Variants in SNX6 observed in about 807,000 individuals in gnomAD.
SNX6 encodes sorting nexin 6, also known as sorting nexin-6.
In SNX6, 34 loss-of-function variants were observed where a neutral mutation model predicts 63.0. That is an observed-to-expected ratio of 0.54 (90% confidence interval 0.41 to 0.72). The LOEUF (loss-of-function observed/expected upper bound fraction) is 0.72. Among genes scored for constraint, SNX6 ranks in the 30% least tolerant of loss-of-function variants. The pLI, the probability that SNX6 is intolerant of heterozygous loss-of-function variation, is 0.00. For missense variants in SNX6, 398 were observed against 471.4 expected, an observed-to-expected ratio of 0.84 and a Z score of 1.44; for synonymous variants, 170 against 164.2, an observed-to-expected ratio of 1.04 and a Z score of -0.27.
intron 5 of SNX6, among the ~76,000 whole-genome samples, chr14:34,604,568 A>G (rs961796426): frequency 2.0e-5 from 3 of 152,310 alleles, no homozygotes; most frequent in Non-Finnish European, 4.4e-5. Context: ...GACAGAGGTG[A>G]TAACTAAGGA....
At chr14:34,566,859 C>CATCAAACTG (rs1881204527) in intron 13 of SNX6, among the ~76,000 whole-genome samples, 1 of 149,282 alleles carries the variant, frequency 6.7e-6, no homozygotes, top group Non-Finnish European at 1.5e-5. Flanking sequence ...TAACTGAGCC[C>CATCAAACTG]AGGAGTTTGA....
intron 2 of SNX6, among the ~76,000 whole-genome samples, chr14:34,614,411 T>C (rs1410334183): frequency 6.6e-6 from 1 of 150,896 alleles, no homozygotes; most frequent in Non-Finnish European, 1.5e-5. Context: ...CACTCCAGCC[T>C]GGGTGACAAA....
intron 5 of SNX6, among the ~76,000 whole-genome samples, chr14:34,604,449 A>G (rs1349725199): frequency 6.6e-6 from 1 of 152,204 alleles, no homozygotes; most frequent in African/African-American, 2.4e-5. Flanking sequence ...TCAAGAGTTT[A>G]GCATCCTGAA....
At chr14:34,624,352 C>T (rs1409598276) in intron 2 of SNX6, among the ~76,000 whole-genome samples, 6 of 152,170 alleles carry the variant, frequency 3.9e-5, no homozygotes, top group African/African-American at 7.2e-5. Context: ...CTGCCCATCT[C>T]GGCCTCGCAA....
intron 13 of SNX6, among the ~76,000 whole-genome samples, chr14:34,565,563 C>T (rs1234734648): frequency 6.6e-6 from 1 of 152,198 alleles, no homozygotes; most frequent in African/African-American, 2.4e-5. Flanking sequence ...GTCGCCCAAG[C>T]TGGAGTGCAG....
At chr14:34,586,092 G>A (rs1006080242) in intron 9 of SNX6, 138 bp downstream of exon 9, 10 of 397,994 alleles carry the variant, frequency 2.5e-5, no homozygotes, top group South Asian at 5.8e-5. Context: ...TAGTAGAGAC[G>A]GGGTTTCACC....
At chr14:34,585,759 C>A (rs1481673626) in intron 9 of SNX6, among the ~76,000 whole-genome samples, 1 of 151,804 alleles carries the variant, frequency 6.6e-6, no homozygotes, top group Non-Finnish European at 1.5e-5. Context: ...ACCACCGACA[C>A]CTGGGTAATT....
rs1033901098 is a variant in SNX6 at position 34,629,759 on chromosome 14, T to G, written c.54+148A>C. ...CTAGGGAGGAAGGGCTGCGGGAGGG[T>G]GGGGCGCGGTGCAGCGAGGAAACCG... On this transcript the variant is annotated intron_variant, in intron 2 of 13. Coordinates refer to ENST00000362031, the MANE Select transcript of SNX6 (RefSeq NM_152233.4). 110 of 1,268,104 alleles carry G rather than the reference T, an allele frequency of 8.7e-5. No homozygotes were observed. In the African/African-American group the frequency reaches 1.6e-3, roughly 18 times the overall value. 78.6% of individuals were successfully genotyped at this position (1,268,104 alleles called of 1,614,324 possible).
intron 8 of SNX6, among the ~76,000 whole-genome samples, chr14:34,588,917 T>G (rs1323789864): frequency 6.6e-6 from 1 of 152,014 alleles, no homozygotes; most frequent in Non-Finnish European, 1.5e-5. Context: ...GTCGATCACA[T>G]GAGGTCAAGA....
chr14:34,579,811 G>C (rs921474696), intron 10 of SNX6, among the ~76,000 whole-genome samples: 12 of 146,516 alleles, frequency 8.2e-5, no homozygotes, highest in African/African-American at 3.0e-4. Flanking sequence ...AACATAGCAA[G>C]ACCCTGTCTC....
At chr14:34,576,452 ATTT>A (rs761952812) in intron 10 of SNX6, among the ~76,000 whole-genome samples, 34 of 63,158 alleles carry the variant, frequency 5.4e-4, no homozygotes, top group African/African-American at 8.5e-4. Flanking sequence ...ATATATATAT[ATTT>A]TTTTTTTTTT....
intron 11 of SNX6, among the ~76,000 whole-genome samples, chr14:34,570,000 C>G (rs761994361): frequency 2.0e-5 from 3 of 152,044 alleles, no homozygotes; most frequent in Non-Finnish European, 2.9e-5. Flanking sequence ...CCTACCAACA[C>G]CATATGAGAG....
At chr14:34,629,865 G>A (rs1275301099) in intron 2 of SNX6, 42 bp downstream of exon 2, 2 of 1,550,480 alleles carry the variant, frequency 1.3e-6, no homozygotes, top group South Asian at 1.2e-5. Context: ...GATGGGGAAG[G>A]AGGGTCCAGG....
intron 11 of SNX6, chr14:34,568,633 TG>T: frequency 3.0e-6 from 2 of 674,964 alleles, no homozygotes; most frequent in South Asian, 3.1e-5. Context: ...GCACTCAGCC[TG>T]TTTTTTTTTT....
intron 10 of SNX6, among the ~76,000 whole-genome samples, chr14:34,577,786 T>G (rs1413662125): frequency 6.6e-6 from 1 of 152,100 alleles, no homozygotes; most frequent in South Asian, 2.1e-4. Context: ...TAAGGGAGAA[T>G]CATTAGTAAC....
chr14:34,629,710 C>T (rs1883966368), intron 2 of SNX6, 197 bp downstream of exon 2: 3 of 915,540 alleles, frequency 3.3e-6, no homozygotes, highest in Non-Finnish European at 5.1e-6. Flanking sequence ...CCGCGGGTCC[C>T]CGGGAATCGG....
intron 8 of SNX6, 30 bp from the exon 9 acceptor site, chr14:34,586,335 A>G (rs758506371): frequency 7.2e-7 from 1 of 1,387,696 alleles, no homozygotes; most frequent in Non-Finnish European, 1.0e-6. Context: ...AATTTAGTAT[A>G]CCTATTCATA....
At chr14:34,609,877 C>A in intron 2 of SNX6, 135 bp from the exon 3 acceptor site, 1 of 603,044 alleles carries the variant, frequency 1.7e-6, no homozygotes, top group Admixed American at 3.0e-5. Context: ...GTCCATTTAA[C>A]ATACATACTA....
intron 2 of SNX6, among the ~76,000 whole-genome samples, chr14:34,619,751 G>A (rs777094973): frequency 1.3e-5 from 2 of 151,912 alleles, no homozygotes; most frequent in African/African-American, 2.4e-5. Flanking sequence ...CCAGTCTGTC[G>A]GCACTCCCTC....
Sources: gnomAD v4.1 joint callset for allele counts (sites outside exome capture counted in the v4.1 genomes callset) on GRCh38, gnomAD v4.1.1 for gene constraint, MANE v1.5 for transcripts, NCBI Gene and HGNC (gene_info 2026-07-23, HGNC 2026-07-21) for gene names.